NEK11: variants seen among roughly 807,000 people sequenced by gnomAD.
NEK11 encodes the protein serine/threonine-protein kinase Nek11.
A neutral mutation model predicts 80.7 loss-of-function variants in NEK11; 72 were observed. The observed-to-expected ratio is 0.89, with a 90% CI of 0.74 to 1.08. The LOEUF is 1.08. Ranked by LOEUF, NEK11 falls within the 50% of genes least tolerant of loss-of-function variation. NEK11 has a pLI of 0.00. For missense variants in NEK11, 764 were observed against 763.6 expected (o/e 1.00, Z -0.01); for synonymous variants, 251 against 260.7 (o/e 0.96, Z 0.36).
At chr3:131,192,491 T>C (rs2093836009) in intron 14 of NEK11, among the ~76,000 whole-genome samples, 1 of 152,150 alleles carries the variant, frequency 6.6e-6, no homozygotes, top group African/African-American at 2.4e-5. Flanking sequence ...TATACCGATG[T>C]TCACAGCAGC....
Position 131,109,804 on chromosome 3 carries a change from G to T in NEK11, c.338G>T (p.Gly113Val), listed in dbSNP as rs1438752412. ...GAAAGATTATGCTCTTCATTTCAGG[G>T]CCGAGATCTGGACGATAAAATTCAG... ...NFCIITEYCE[G>V]RDLDDKIQEY... The change falls in exon 5 of 18, where the codon GGC becomes GTC. Residue 113 changes from glycine (G) to valine (V), a missense_variant and splice_region_variant. Coordinates refer to ENST00000383366, the MANE Select transcript of NEK11 (RefSeq NM_024800.5). 6.3e-7 allele frequency: 1 copy of T among 1,586,006 alleles called. No homozygotes were observed. The highest frequency in any genetic ancestry group is 8.5e-7 in the Non-Finnish European group (1 of 1,171,562).
rs770131554 is a variant in NEK11, at chr3:131,165,423, C to T, written c.1083-3C>T. 11 of 1,580,218 alleles carry T rather than the reference C, an allele frequency of 7.0e-6. No homozygotes were observed. The highest frequency in any genetic ancestry group is 1.1e-5 in the South Asian group (1 of 90,298). On this transcript the variant is annotated splice_region_variant and splice_polypyrimidine_tract_variant and intron_variant, in intron 11 of 17. Coordinates refer to ENST00000383366, the MANE Select transcript of NEK11 (RefSeq NM_024800.5). ...TTTTTCTACATTCACTTTAAATTTA[C>T]AGAAAGATTGTGGAAGAAAAATATG...
chr3:131,303,760 C>T (rs904226900), intron 17 of NEK11, among the ~76,000 whole-genome samples: 4 of 152,038 alleles, frequency 2.6e-5, no homozygotes, highest in Non-Finnish European at 5.9e-5. Flanking sequence ...TGACCTGTCC[C>T]TTCTCTCTAG....
chr3:131,132,701 G>A, intron 5 of NEK11, 44 bp from the exon 6 acceptor site: 2 of 1,028,898 alleles, frequency 1.9e-6, no homozygotes, highest in South Asian at 1.5e-5. Context: ...ATTTAAAAAT[G>A]TTATATTCTG....
chr3:131,128,397 C>T (rs547017368), intron 5 of NEK11, among the ~76,000 whole-genome samples: 1 of 152,250 alleles, frequency 6.6e-6, no homozygotes, highest in African/African-American at 2.4e-5. Context: ...TGTCATATAG[C>T]TGGAATCATA....
At chr3:131,064,864 A>T (rs1350718811) in intron 3 of NEK11, among the ~76,000 whole-genome samples, 1 of 152,028 alleles carries the variant, frequency 6.6e-6, no homozygotes, top group Non-Finnish European at 1.5e-5. Flanking sequence ...CTAGATGGAG[A>T]TGTGCTTATT....
intron 16 of NEK11, among the ~76,000 whole-genome samples, chr3:131,259,334 AAAATC>A (rs1313690005): frequency 1.3e-5 from 2 of 152,232 alleles, no homozygotes; most frequent in African/African-American, 2.4e-5. Context: ...CTGTACCAAT[AAAATC>A]AATTCTCTGA....
At chr3:131,158,182 A>G (rs936443430) in intron 10 of NEK11, among the ~76,000 whole-genome samples, 1 of 152,134 alleles carries the variant, frequency 6.6e-6, no homozygotes, top group South Asian at 2.1e-4. Flanking sequence ...GGGGGTCTAC[A>G]TCATAGCTCC....
chr3:131,256,088 C>T (rs1464414039), intron 16 of NEK11, among the ~76,000 whole-genome samples: 1 of 152,100 alleles, frequency 6.6e-6, no homozygotes, highest in Admixed American at 6.6e-5. Flanking sequence ...AGAGATTGGT[C>T]AATGAGTATA....
At chr3:131,265,303 G>C (rs936701134) in intron 16 of NEK11, among the ~76,000 whole-genome samples, 2 of 152,174 alleles carry the variant, frequency 1.3e-5, no homozygotes, top group African/African-American at 4.8e-5. Context: ...AGTTTTCAAA[G>C]GGAATGCTTC....
In NEK11 at chr3:131,345,517, G is replaced by A. The variant is rs149345476; in HGVS notation, c.1719-4040G>A. Among the ~76,000 whole-genome samples the A allele has an allele frequency of 3.9e-5, 6 of 152,274 alleles. No homozygotes were observed. In the East Asian group the frequency reaches 1.2e-3, roughly 29 times the overall value. On this transcript the variant is annotated intron_variant, in intron 17 of 17. Transcript: ENST00000383366. ...TCACCTCACACCCCTAAGAATGTCT[G>A]TTATCAAAAAGAAGAAATAACAAAT...
intron 17 of NEK11, among the ~76,000 whole-genome samples, chr3:131,314,795 C>A (rs1005016047): frequency 1.3e-5 from 2 of 152,210 alleles, no homozygotes; most frequent in African/African-American, 4.8e-5. Context: ...TGTCCTGGGA[C>A]AAGCCTTTCT....
chr3:131,058,347 G>A lies in NEK11; in HGVS notation c.171-22076G>A, dbSNP rs537764640. Among the ~76,000 whole-genome samples the A allele has an allele frequency of 1.1e-4, 16 of 152,258 alleles. No individual in the cohort carries two copies. The South Asian group carries it at 2.5e-3, about 24-fold the overall frequency. The stretch of plus-strand genomic sequence containing the variant: ...TGATGCCTCCAGCTTTGTTCTTTTG[G>A]CTTAGGACTGACTTGGCGATGCGGG... On this transcript the variant is annotated intron_variant, in intron 3 of 17. Transcript: ENST00000383366.
At chr3:131,294,474 C>G (rs2096573716) in intron 17 of NEK11, among the ~76,000 whole-genome samples, 1 of 151,632 alleles carries the variant, frequency 6.6e-6, no homozygotes, top group South Asian at 2.1e-4. Context: ...TTTTATGGCC[C>G]TAAATATGGT....
chr3:131,150,194 T>C (rs1302013235), intron 7 of NEK11, among the ~76,000 whole-genome samples: 1 of 152,078 alleles, frequency 6.6e-6, no homozygotes, highest in East Asian at 1.9e-4. Context: ...GGTCTGACTT[T>C]GAAGATTTCA....
intron 16 of NEK11, among the ~76,000 whole-genome samples, chr3:131,257,890 G>A (rs991828692): frequency 3.3e-5 from 5 of 151,972 alleles, no homozygotes; most frequent in African/African-American, 7.3e-5. Flanking sequence ...TTATAGCAGC[G>A]ATTGCAAAAA....
At chr3:131,116,480 G>A (rs1225668575) in intron 5 of NEK11, among the ~76,000 whole-genome samples, 2 of 152,036 alleles carry the variant, frequency 1.3e-5, no homozygotes, top group Admixed American at 6.6e-5. Flanking sequence ...TAATCCTTTG[G>A]GTATATACCC....
chr3:131,131,671 T>A (rs2084506563), intron 5 of NEK11, among the ~76,000 whole-genome samples: 1 of 152,130 alleles, frequency 6.6e-6, no homozygotes, highest in African/African-American at 2.4e-5. Flanking sequence ...GAACCAGTTT[T>A]ATTTTTGTTG....
In NEK11 at chr3:131,049,631, G is replaced by A. The variant is rs561324820; in HGVS notation, c.170+19753G>A. On this transcript the variant is annotated intron_variant, in intron 3 of 17. Transcript: ENST00000383366. ...TATATGTTACTCAGTGTTGTCAAACGTGTATTTTCTACTAAACGGTATCTA... is the reference window on the plus strand; with the variant it reads ...TATATGTTACTCAGTGTTGTCAAACATGTATTTTCTACTAAACGGTATCTA... Among the ~76,000 whole-genome samples the A allele has an allele frequency of 1.1e-4, 16 of 152,268 alleles. No homozygotes were observed. The South Asian group carries it at 2.3e-3, about 22-fold the overall frequency.
Sources: allele counts gnomAD v4.1 joint callset (sites outside exome capture counted in the v4.1 genomes callset), GRCh38; gene constraint gnomAD v4.1.1; transcripts MANE v1.5; gene names NCBI Gene and HGNC (gene_info 2026-07-23, HGNC 2026-07-21).